AJAP1: variants seen among roughly 807,000 people sequenced by gnomAD.
The protein encoded by AJAP1 is adherens junction-associated protein 1.
AJAP1 carries 5 observed loss-of-function variants against 35.0 expected under a neutral mutation model. The ratio of observed to expected loss-of-function variants is 0.14; its 90% confidence interval spans 0.07 to 0.30. The LOEUF is 0.30. Among genes scored for constraint, AJAP1 ranks in the 10% least tolerant of loss-of-function variants. The probability of loss-of-function intolerance (pLI) is 1.00; values close to 1 mark genes in which losing one functional copy is unlikely to be tolerated. For missense variants in AJAP1, 586 were observed against 571.0 expected (o/e 1.03, Z -0.27); for synonymous variants, 284 against 249.3 (o/e 1.14, Z -1.31).
At chr1:4,748,282 C>T (rs994227596) in intron 2 of AJAP1, among the ~76,000 whole-genome samples, 3 of 152,202 alleles carry the variant, frequency 2.0e-5, no homozygotes, top group Non-Finnish European at 4.4e-5. Flanking sequence ...GCATCACGTG[C>T]GTGATCACCC....
At position 4,723,911 on chromosome 1, in the gene AJAP1, C is replaced by T. The variant is rs1640585507; in HGVS notation, c.829+11212C>T. ...ACGGGGACAATACAGAAGCCAAGTC[C>T]TTAAGGGATGAGAACCAGCCTGATG... On this transcript the variant is annotated intron_variant, in intron 2 of 5. Transcript: ENST00000378191. The surrounding 1 kb of genome is among the most constrained non-coding windows in gnomAD (Gnocchi z 4.3). Among the ~76,000 whole-genome samples, 3 of 152,192 alleles carry T rather than the reference C, an allele frequency of 2.0e-5. No individual in the cohort carries two copies. The highest frequency in any genetic ancestry group is 7.2e-5 in the African/African-American group (3 of 41,536).
At chr1:4,675,673 ATTCCAGGGGCCCAGAGATGCC>A (rs1218902789) in intron 1 of AJAP1, among the ~76,000 whole-genome samples, 2 of 152,234 alleles carry the variant, frequency 1.3e-5, no homozygotes, top group African/African-American at 4.8e-5. Context: ...CAGGCAGGAC[ATTCCAGGGGCCCAGAGATGCC>A]TTCCAGGAGC....
At chr1:4,666,230 G>A (rs1366532325) in intron 1 of AJAP1, among the ~76,000 whole-genome samples, 1 of 152,074 alleles carries the variant, frequency 6.6e-6, no homozygotes, top group Non-Finnish European at 1.5e-5. Flanking sequence ...CAGTGAAATA[G>A]CCCACTGAGG....
At chr1:4,729,971 T>C (rs1640761443) in intron 2 of AJAP1, among the ~76,000 whole-genome samples, 1 of 152,030 alleles carries the variant, frequency 6.6e-6, no homozygotes, top group Non-Finnish European at 1.5e-5. Flanking sequence ...AAAAGTACCC[T>C]CCCTTCCTTC....
chr1:4,757,030 G>A (rs1570202351), intron 2 of AJAP1, among the ~76,000 whole-genome samples: 2 of 152,180 alleles, frequency 1.3e-5, no homozygotes, highest in East Asian at 3.9e-4. Flanking sequence ...AATGAGATGA[G>A]AGCCTGACAC....
chr1:4,713,476 C>T (rs1640315119), intron 2 of AJAP1, among the ~76,000 whole-genome samples: 2 of 152,186 alleles, frequency 1.3e-5, no homozygotes, highest in African/African-American at 4.8e-5. Flanking sequence ...TTTTATTTTC[C>T]TCCTATACGC....
At chr1:4,703,752 C>T (rs1640039640) in intron 1 of AJAP1, among the ~76,000 whole-genome samples, 1 of 152,196 alleles carries the variant, frequency 6.6e-6, no homozygotes, top group South Asian at 2.1e-4. Flanking sequence ...AGAGGGCTTG[C>T]CACCAGCTCC....
intron 2 of AJAP1, among the ~76,000 whole-genome samples, chr1:4,743,635 G>C: frequency 6.6e-6 from 1 of 152,172 alleles, no homozygotes; most frequent in East Asian, 1.9e-4. Flanking sequence ...CAATTGGCCA[G>C]AATGATTTTC....
chr1:4,758,757 G>C (rs1234887259), intron 2 of AJAP1, among the ~76,000 whole-genome samples: 1 of 152,210 alleles, frequency 6.6e-6, no homozygotes, highest in African/African-American at 2.4e-5. Context: ...CTGTGCTGGA[G>C]AGTGTGGTGC....
At chr1:4,670,671 GC>G (rs901981387) in intron 1 of AJAP1, among the ~76,000 whole-genome samples, 2 of 152,212 alleles carry the variant, frequency 1.3e-5, no homozygotes, top group Non-Finnish European at 2.9e-5. Context: ...AGGTTGTCGA[GC>G]CATGACGAGT....
chr1:4,768,003 G>A (rs426095), intron 2 of AJAP1, among the ~76,000 whole-genome samples: 45,019 of 152,158 alleles, frequency 0.3, 7,248 homozygotes, highest in Middle Eastern at 0.5. Flanking sequence ...CATTGTTGGT[G>A]GGATTAGGGG....
intron 2 of AJAP1, among the ~76,000 whole-genome samples, chr1:4,759,470 C>A (rs1190406709): frequency 6.6e-6 from 1 of 152,194 alleles, no homozygotes; most frequent in Non-Finnish European, 1.5e-5. Flanking sequence ...TGCTCTGGAC[C>A]ACTGACTGCA....
chr1:4,709,340 A>G (rs1351042021), intron 1 of AJAP1, among the ~76,000 whole-genome samples: 1 of 149,914 alleles, frequency 6.7e-6, no homozygotes, highest in African/African-American at 2.5e-5. Context: ...CTGGTGGAGT[A>G]TAGTGGGGAC....
chr1:4,712,231 C>G lies in AJAP1; in HGVS notation c.361C>G (p.Pro121Ala). ...LVPKAGLAKP[P>A]AAAKSSPSLA... ...GCCCAAGGCAGGACTGGCCAAGCCC[C>G]CAGCTGCTGCCAAATCCAGCCCTTC... Residue 121 changes from proline to alanine, a missense_variant, in exon 2 of 6, where the codon CCA (proline) becomes GCA (alanine). Physicochemically the swap from Pro to Ala is conservative, Grantham distance 27. Transcript: ENST00000378191. The G allele has an allele frequency of 1.3e-6, 2 of 1,535,816 alleles. No individual in the cohort carries two copies. Among genetic ancestry groups the G allele is most frequent in the Non-Finnish European group, 1.7e-6 (2 of 1,149,420 alleles).
intron 1 of AJAP1, among the ~76,000 whole-genome samples, chr1:4,711,557 C>T (rs1303403024): frequency 1.3e-5 from 2 of 152,170 alleles, no homozygotes; most frequent in African/African-American, 4.8e-5. Flanking sequence ...GTTATCTTGT[C>T]GAGGCTGCCC....
intron 4 of AJAP1, 102 bp downstream of exon 4, chr1:4,772,627 T>C: frequency 5.3e-6 from 8 of 1,520,322 alleles, no homozygotes; most frequent in African/African-American, 2.7e-5. Flanking sequence ...TCGGTTTAGG[T>C]CTTCCCTGAG....
chr1:4,712,077 A>T lies in AJAP1; in HGVS notation c.207A>T (p.Gly69=). Residue 69 remains glycine (G), a synonymous_variant, in exon 2 of 6, where the codon GGA becomes GGT. Coordinates refer to ENST00000378191, the MANE Select transcript of AJAP1 (RefSeq NM_018836.4). ...RPPRLWSFRS[G]QPARVPAPVW... is the part of the protein sequence containing the mutation. The stretch of plus-strand genomic sequence containing the variant: ...CCCGGCTGTGGAGTTTTAGGAGTGG[A>T]CAGCCAGCGCGGGTCCCGGCCCCGG... The T allele has an allele frequency of 6.3e-7, 1 of 1,575,224 alleles. No homozygotes were observed. The highest frequency in any genetic ancestry group is 2.4e-5 in the East Asian group (1 of 42,302).
intron 1 of AJAP1, among the ~76,000 whole-genome samples, chr1:4,668,116 A>G (rs1381893666): frequency 6.6e-6 from 1 of 152,128 alleles, no homozygotes; most frequent in Non-Finnish European, 1.5e-5. Flanking sequence ...TCAGAGGCTG[A>G]GACAGGAGAA....
At chr1:4,690,530 C>A (rs114235078) in intron 1 of AJAP1, among the ~76,000 whole-genome samples, 7,456 of 152,308 alleles carry the variant, frequency 0.049, 404 homozygotes, top group Admixed American at 0.16. Flanking sequence ...TTCTGCGCCT[C>A]TTGGCTGGTG....
Sources: gnomAD v4.1 joint callset for allele counts (sites outside exome capture counted in the v4.1 genomes callset) on GRCh38, gnomAD v4.1.1 for gene constraint, Gnocchi (gnomAD v3.1) non-coding constraint, MANE v1.5 for transcripts, NCBI Gene and HGNC (gene_info 2026-07-23, HGNC 2026-07-21) for gene names.